The following FOXP2 variants were observed in gnomAD, a reference collection of about 807,000 sequenced individuals.
FOXP2 encodes forkhead box protein P2.
A neutral mutation model predicts 115.8 loss-of-function variants in FOXP2; 12 were observed. The ratio of observed to expected loss-of-function variants is 0.10; its 90% CI spans 0.07 to 0.17. The LOEUF (loss-of-function observed/expected upper bound fraction) is 0.17, where lower values mean the gene tolerates loss of function less well. Ranked by LOEUF, FOXP2 falls within the 10% of genes least tolerant of loss-of-function variation. The pLI is 1.00. For missense variants in FOXP2, 629 were observed against 843.5 expected (o/e 0.75, Z 3.15); for synonymous variants, 328 against 297.7 (o/e 1.10, Z -1.05).
chr7:114,628,782 G>A (rs1159297479), intron 4 of FOXP2, 105 bp downstream of exon 4: 2 of 1,384,404 alleles, frequency 1.4e-6, no homozygotes. Context: ...CATTTGAAAG[G>A]ACAACCTATT....
At chr7:114,666,847 A>G (rs569629859) in intron 16 of FOXP2, 1 of 152,258 alleles carries the variant, frequency 6.6e-6, no homozygotes, top group Admixed American at 6.6e-5. Flanking sequence ...GTAAGTAATA[A>G]TATAATGCTT....
intron 10 of FOXP2, 32 bp from the exon 11 acceptor site, chr7:114,658,034 C>A (rs1311410930): frequency 6.2e-7 from 1 of 1,612,024 alleles, no homozygotes; most frequent in Non-Finnish European, 8.5e-7. Flanking sequence ...TTGTCTCTAC[C>A]TTTTTCCTGC....
At chr7:114,630,159 T>C (rs189253475) in intron 5 of FOXP2, among the ~76,000 whole-genome samples, 154 bp downstream of exon 5, 3 of 152,310 alleles carry the variant, frequency 2.0e-5, no homozygotes, top group Non-Finnish European at 4.4e-5. Context: ...AGTGATAGGC[T>C]CTCAGGCTCT....
At chr7:114,206,817 C>T (rs948992159) in intron 1 of FOXP2, among the ~76,000 whole-genome samples, 1 of 152,170 alleles carries the variant, frequency 6.6e-6, no homozygotes. Flanking sequence ...AAACATAATT[C>T]ACTTAGCATA....
chr7:114,213,515 G>A (rs1297698789), intron 1 of FOXP2, among the ~76,000 whole-genome samples: 1 of 152,080 alleles, frequency 6.6e-6, no homozygotes, highest in African/African-American at 2.4e-5. Flanking sequence ...TACATAATTT[G>A]TAAACATATA....
intron 15 of FOXP2, 112 bp downstream of exon 15, chr7:114,663,631 C>T (rs1222660265): frequency 4.7e-6 from 4 of 845,014 alleles, no homozygotes; most frequent in Non-Finnish European, 3.8e-6. Context: ...GTTGGTTTAT[C>T]ATCCAAGTTG....
intron 2 of FOXP2, among the ~76,000 whole-genome samples, chr7:114,466,191 A>C (rs1033636100): frequency 3.3e-5 from 5 of 152,190 alleles, no homozygotes; most frequent in African/African-American, 1.2e-4. Flanking sequence ...ATATTACTGG[A>C]ATTTTGCTAG....
At chr7:114,305,709 A>G (rs1562863253) in intron 2 of FOXP2, among the ~76,000 whole-genome samples, 1 of 152,154 alleles carries the variant, frequency 6.6e-6, no homozygotes, top group African/African-American at 2.4e-5. Flanking sequence ...TTCTGATGTA[A>G]TATCATTGAA....
At chr7:114,658,357 T>A in intron 11 of FOXP2, 90 bp downstream of exon 11, 1 of 1,269,958 alleles carries the variant, frequency 7.9e-7, no homozygotes. Flanking sequence ...CCAGAGCACA[T>A]GGAAACTCAT....
chr7:114,103,340 G>GT (rs2129141028), intron 1 of FOXP2, among the ~76,000 whole-genome samples: 1 of 152,080 alleles, frequency 6.6e-6, no homozygotes, highest in African/African-American at 2.4e-5. Flanking sequence ...AGATAATGAG[G>GT]TTTTCTTCTG....
intron 1 of FOXP2, among the ~76,000 whole-genome samples, chr7:114,235,203 A>G (rs1159305998): frequency 6.6e-6 from 1 of 151,966 alleles, no homozygotes; most frequent in African/African-American, 2.4e-5. Flanking sequence ...TAACTACCTT[A>G]TCAATGTTTT....
chr7:114,152,474 TTACATGC>T (rs2129149012), intron 1 of FOXP2, among the ~76,000 whole-genome samples: 1 of 152,316 alleles, frequency 6.6e-6, no homozygotes, highest in East Asian at 1.9e-4. Context: ...TAAATCTCTT[TTACATGC>T]TTTAGGTCAA....
chr7:114,286,751 G>A (rs1239378177), intron 1 of FOXP2, among the ~76,000 whole-genome samples: 1 of 151,976 alleles, frequency 6.6e-6, no homozygotes, highest in Non-Finnish European at 1.5e-5. Flanking sequence ...TCACTAAACA[G>A]TGGTTTCGGA....
intron 3 of FOXP2, among the ~76,000 whole-genome samples, chr7:114,556,831 A>G (rs952347289): frequency 1.3e-5 from 2 of 152,202 alleles, no homozygotes; most frequent in Non-Finnish European, 2.9e-5. Flanking sequence ...TTATTGCTTA[A>G]AAGTATATCT....
At chr7:114,460,461 T>C (rs1486936718) in intron 2 of FOXP2, among the ~76,000 whole-genome samples, 5 of 152,222 alleles carry the variant, frequency 3.3e-5, no homozygotes, top group African/African-American at 9.6e-5. Context: ...TCTAGTGCAA[T>C]GTAAATATGT....
chr7:114,254,144 A>G (rs1795533236), intron 1 of FOXP2, among the ~76,000 whole-genome samples: 1 of 152,112 alleles, frequency 6.6e-6, no homozygotes, highest in East Asian at 1.9e-4. Context: ...TGGCTTGTAG[A>G]GTTTCTGCAG....
chr7:114,105,050 A>T (rs183332095), intron 1 of FOXP2, among the ~76,000 whole-genome samples: 23 of 152,202 alleles, frequency 1.5e-4, no homozygotes, highest in African/African-American at 5.3e-4. Flanking sequence ...GTAATTTCAC[A>T]TATAGAAAAC....
chr7:114,389,155 A>G lies in FOXP2; in HGVS notation c.-10-37347A>G, dbSNP rs540750861. ...GGTATAGTGAATGTTGTAACACTTA[A>G]CCTGAAGCTGTTTATTTTAGTGTAT... On this transcript the variant is annotated intron_variant, in intron 2 of 17. Transcript: ENST00000634411. Among the ~76,000 whole-genome samples the G allele has an allele frequency of 3.3e-5, 5 of 152,318 alleles. No individual in the cohort carries two copies. In the South Asian group the frequency reaches 8.3e-4, roughly 25 times the overall value.
chr7:114,316,699 G>A (rs1337828685), intron 2 of FOXP2, among the ~76,000 whole-genome samples: 1 of 152,156 alleles, frequency 6.6e-6, no homozygotes, highest in East Asian at 1.9e-4. Context: ...AAAAGCCTAG[G>A]AGAGTTTCAT....
Sources: allele counts gnomAD v4.1 joint callset (sites outside exome capture counted in the v4.1 genomes callset), GRCh38; gene constraint gnomAD v4.1.1; transcripts MANE v1.5; gene names NCBI Gene and HGNC (gene_info 2026-07-23, HGNC 2026-07-21).